The following CT47C1 variants were observed in gnomAD, a reference collection of about 807,000 sequenced individuals.
CT47C1 encodes cancer/testis antigen family 47 member C1.
the CT47C1 span, chrX:119,073,919 G>A: frequency 4.0e-5 from 33 of 825,353 alleles, no homozygotes; most frequent in East Asian, 4.1e-4. Context: ...AGAGGAGGCC[G>A]CAGAAGAGCC....
At chrX:119,075,365 T>G in the CT47C1 span, among the ~76,000 whole-genome samples, 1 of 112,332 alleles carries the variant, frequency 8.9e-6, no homozygotes, top group East Asian at 2.8e-4. Context: ...GCTGCAGGAC[T>G]ACTAACAAGT....
the CT47C1 span, among the ~76,000 whole-genome samples, chrX:119,074,308 G>C: frequency 1.8e-5 from 2 of 111,547 alleles, no homozygotes; most frequent in African/African-American, 6.5e-5. Context: ...AAAACATGCC[G>C]CCCTCTACCA....
At chrX:119,076,088 AT>A in the CT47C1 span, 1 of 112,613 alleles carries the variant, frequency 8.9e-6, no homozygotes, top group East Asian at 2.8e-4. Flanking sequence ...AGAGCTGGCC[AT>A]TTTCTTCTAT....
the CT47C1 span, among the ~76,000 whole-genome samples, chrX:119,074,284 C>A: frequency 8.9e-6 from 1 of 111,733 alleles, no homozygotes; most frequent in Admixed American, 9.5e-5. Context: ...CTAACGACAT[C>A]TATGATTTTT....
At chrX:119,073,167 G>A in the CT47C1 span, 3 of 448,587 alleles carry the variant, frequency 6.7e-6, no homozygotes, top group East Asian at 3.6e-5. Flanking sequence ...AGTGGCCACC[G>A]TCTTCACCGT....
the CT47C1 span, chrX:119,073,528 G>A: frequency 1.9e-6 from 1 of 516,758 alleles, no homozygotes. Flanking sequence ...AGGAGGAGGA[G>A]GAAGAGAGGA....
the CT47C1 span, chrX:119,075,088 C>A: frequency 9.2e-7 from 1 of 1,085,771 alleles, no homozygotes; most frequent in Non-Finnish European, 1.3e-6. Context: ...CTAGACGCAG[C>A]AGAGGGGAAG....
chrX:119,074,946 A>G, the CT47C1 span: 1 of 1,030,344 alleles, frequency 9.7e-7, no homozygotes, highest in East Asian at 3.0e-5. Flanking sequence ...CATCTGTATT[A>G]TTCTTCGCTA....
chrX:119,073,348 C>A, the CT47C1 span: 1 of 532,028 alleles, frequency 1.9e-6, no homozygotes, highest in Admixed American at 2.4e-5. Flanking sequence ...CCGACAGTGG[C>A]AACACTGTGG....
the CT47C1 span, among the ~76,000 whole-genome samples, chrX:119,076,534 A>G: frequency 8.9e-6 from 1 of 112,348 alleles, no homozygotes; most frequent in Admixed American, 9.4e-5. Context: ...GTCAATTAAA[A>G]TGTCAAGTTT....
chrX:119,073,390 G>A, the CT47C1 span: 2 of 532,019 alleles, frequency 3.8e-6, no homozygotes, highest in African/African-American at 2.3e-5. Context: ...GAGGCCTCGG[G>A]GAGGAGGAGG....
At chrX:119,074,227 C>T in the CT47C1 span, 1 of 378,833 alleles carries the variant, frequency 2.6e-6, no homozygotes, top group Non-Finnish European at 4.5e-6. Flanking sequence ...CAGGGCCCTC[C>T]TGAAACTTAA....
the CT47C1 span, chrX:119,073,432 C>T: frequency 9.7e-6 from 5 of 516,420 alleles, no homozygotes; most frequent in African/African-American, 4.6e-5. Flanking sequence ...CCGCAGCCCC[C>T]GGGGGTGGGA....
the CT47C1 span, chrX:119,073,617 T>C: frequency 1.8e-5 from 10 of 556,109 alleles, no homozygotes; most frequent in Non-Finnish European, 1.6e-5. Context: ...TTTCTGGACA[T>C]GGTCCACTCC....
chrX:119,076,443 TG>T, the CT47C1 span: 6 of 112,874 alleles, frequency 5.3e-5, no homozygotes, highest in Admixed American at 5.6e-4. Context: ...CTCTTTGTTT[TG>T]GCCCACCATA....
the CT47C1 span, chrX:119,074,810 G>C: frequency 1.4e-6 from 1 of 730,872 alleles, no homozygotes; most frequent in East Asian, 3.3e-5. Context: ...GTGAAAACCA[G>C]TAGGAAGGTG....
At chrX:119,075,717 ATTTTTTC>A in the CT47C1 span, among the ~76,000 whole-genome samples, 6 of 93,450 alleles carry the variant, frequency 6.4e-5, no homozygotes, top group South Asian at 4.6e-4. Context: ...AATGGTTAAC[ATTTTTTC>A]TTTTTTCTTT....
the CT47C1 span, chrX:119,073,877 G>GAGCCCGCAGAGGAGGCCTCAGAGA: frequency 9.3e-6 from 8 of 857,191 alleles, no homozygotes; most frequent in Middle Eastern, 3.8e-4. Flanking sequence ...GCCTGCAGAA[G>GAGCCCGCAGAGGAGGCCTCAGAGA]AGCCCGCAGA....
chrX:119,074,944 T>C, the CT47C1 span: 9 of 1,029,929 alleles, frequency 8.7e-6, no homozygotes, highest in South Asian at 1.9e-5. Flanking sequence ...AACATCTGTA[T>C]TATTCTTCGC....
Sources: allele counts gnomAD v4.1 joint callset (sites outside exome capture counted in the v4.1 genomes callset), GRCh38; gene constraint gnomAD v4.1.1; transcripts MANE v1.5; gene names NCBI Gene and HGNC (gene_info 2026-07-23, HGNC 2026-07-21).